PPP1R9A: variants seen among roughly 807,000 people sequenced by gnomAD.
The protein encoded by PPP1R9A is neurabin-1.
PPP1R9A carries 59 observed loss-of-function variants against 141.9 expected under a neutral mutation model. The ratio of observed to expected loss-of-function variants is 0.42; its 90% CI spans 0.34 to 0.52. PPP1R9A has a LOEUF of 0.52. Among genes scored for constraint, PPP1R9A ranks in the 20% least tolerant of loss-of-function variants. The pLI is 0.10. For synonymous variants in PPP1R9A, 500 were observed against 569.7 expected, an observed-to-expected ratio of 0.88 and a Z score of 1.74; for missense variants, 1,444 against 1,611.9, an observed-to-expected ratio of 0.90 and a Z score of 1.78.
rs531732553 is a variant in PPP1R9A, at chr7:95,276,427, C to T, written c.3296+2259C>T. ...TGGCCATCAGCACACTGCTTCACCA[C>T]AGTCGATGCCTGCTTTGAACCCACA... On this transcript the variant is annotated intron_variant, in intron 16 of 19. Coordinates refer to ENST00000433360, the MANE Select transcript of PPP1R9A (RefSeq NM_001166160.2). 6.4e-4 allele frequency among the ~76,000 whole-genome samples: 98 copies of T among 152,338 alleles called. 1 individual carries two copies. Among genetic ancestry groups the T allele is most frequent in the Admixed American group, 6.3e-3 (97 of 15,304 alleles).
At chr7:95,270,623 A>G (rs1009499798) in intron 14 of PPP1R9A, among the ~76,000 whole-genome samples, 9 of 152,058 alleles carry the variant, frequency 5.9e-5, no homozygotes, top group Non-Finnish European at 1.2e-4. Context: ...GCATGAAAAT[A>G]TTTTCCTCGT....
At chr7:95,179,274 A>C (rs1364158310) in intron 5 of PPP1R9A, among the ~76,000 whole-genome samples, 1 of 151,008 alleles carries the variant, frequency 6.6e-6, no homozygotes, top group Non-Finnish European at 1.5e-5. Context: ...AACAAAAATT[A>C]CAAGATCATC....
At chr7:95,224,378 A>G (rs1452502240) in intron 7 of PPP1R9A, among the ~76,000 whole-genome samples, 1 of 152,148 alleles carries the variant, frequency 6.6e-6, no homozygotes, top group Non-Finnish European at 1.5e-5. Flanking sequence ...AGATGCCACC[A>G]ATGTCAAGTT....
intron 2 of PPP1R9A, among the ~76,000 whole-genome samples, chr7:95,088,741 G>A (rs1331412447): frequency 6.6e-6 from 1 of 151,960 alleles, no homozygotes; most frequent in East Asian, 1.9e-4. Flanking sequence ...TGCCTGGGGT[G>A]ATGTGAGTAA....
intron 2 of PPP1R9A, among the ~76,000 whole-genome samples, chr7:94,968,447 C>T (rs1016972326): frequency 6.6e-6 from 1 of 150,536 alleles, no homozygotes; most frequent in African/African-American, 2.4e-5. Flanking sequence ...GCTGGGATTA[C>T]AGGCGTGAGC....
intron 11 of PPP1R9A, 42 bp downstream of exon 11, chr7:95,251,900 T>C (rs1335068730): frequency 1.9e-6 from 3 of 1,610,632 alleles, no homozygotes; most frequent in African/African-American, 1.3e-5. Flanking sequence ...AAGATGGTTT[T>C]GCTGTACTTG....
chr7:95,200,481 T>A (rs1463918473), intron 6 of PPP1R9A, among the ~76,000 whole-genome samples: 2 of 151,988 alleles, frequency 1.3e-5, no homozygotes, highest in South Asian at 2.1e-4. Context: ...GGTCTCACTA[T>A]GTTGTCCAGG....
rs61241471 is a variant in PPP1R9A at position 95,196,070 on chromosome 7, CGTGT to C, written c.1755-2260_1755-2257del. The stretch of plus-strand genomic sequence containing the variant: ...GTTTTAAAAATAAAATACACACATA[CGTGT>C]GTGTGTGTGTGTGTGTGTATGTGTA... On this transcript the variant is annotated intron_variant, in intron 5 of 19. Coordinates refer to ENST00000433360, the MANE Select transcript of PPP1R9A (RefSeq NM_001166160.2). Among the ~76,000 whole-genome samples the C allele has an allele frequency of 1.4e-4, 21 of 149,088 alleles. 1 individual carries two copies. The highest frequency in any genetic ancestry group is 1.3e-3 in the South Asian group (6 of 4,694).
chr7:95,172,368 A>C (rs925698878), intron 5 of PPP1R9A, among the ~76,000 whole-genome samples: 21 of 151,708 alleles, frequency 1.4e-4, no homozygotes, highest in African/African-American at 4.8e-4. Context: ...GAAAATCCTA[A>C]AGTATCTACA....
intron 7 of PPP1R9A, among the ~76,000 whole-genome samples, chr7:95,221,395 T>G (rs1563445717): frequency 6.6e-6 from 1 of 152,076 alleles, no homozygotes; most frequent in Non-Finnish European, 1.5e-5. Context: ...ATCCTTTCAT[T>G]GATCCCCACT....
intron 2 of PPP1R9A, among the ~76,000 whole-genome samples, chr7:95,039,868 T>C (rs1447158609): frequency 2.6e-5 from 4 of 152,090 alleles, no homozygotes; most frequent in Non-Finnish European, 5.9e-5. Context: ...CTAACAACTT[T>C]CTAAAATTAA....
intron 2 of PPP1R9A, among the ~76,000 whole-genome samples, chr7:94,959,674 T>C (rs1040219992): frequency 2.0e-5 from 3 of 151,758 alleles, no homozygotes; most frequent in Non-Finnish European, 3.0e-5. Context: ...TTTCTACTTA[T>C]AATCACAAGT....
chr7:94,987,519 T>TAAA lies in PPP1R9A; in HGVS notation c.1395+76013_1395+76014insAAA, dbSNP rs540879648. On this transcript the variant is annotated intron_variant, in intron 2 of 19. Coordinates refer to ENST00000433360, the MANE Select transcript of PPP1R9A (RefSeq NM_001166160.2). The stretch of plus-strand genomic sequence containing the variant: ...CTTCTCATAGTGTATTCTATGTAAA[T>TAAA]AATTCAAAAGGATGAAAGTTCTCTG... 6.6e-4 allele frequency among the ~76,000 whole-genome samples: 100 copies of TAAA among 152,286 alleles called. 4 individuals carry two copies. The highest frequency in any genetic ancestry group is 6.1e-3 in the Admixed American group (93 of 15,276).
At chr7:95,271,176 C>T (rs1185975377) in intron 14 of PPP1R9A, among the ~76,000 whole-genome samples, 1 of 152,154 alleles carries the variant, frequency 6.6e-6, no homozygotes, top group Non-Finnish European at 1.5e-5. Flanking sequence ...GGAGTAGTTA[C>T]ACACAAAAGT....
chr7:95,167,661 C>G (rs185694253), intron 5 of PPP1R9A, among the ~76,000 whole-genome samples: 1 of 152,066 alleles, frequency 6.6e-6, no homozygotes, highest in Non-Finnish European at 1.5e-5. Context: ...GAAGACTCCA[C>G]GAGAAAACTC....
chr7:95,015,026 C>T (rs1409230147), intron 2 of PPP1R9A, among the ~76,000 whole-genome samples: 10 of 151,956 alleles, frequency 6.6e-5, no homozygotes, highest in African/African-American at 1.9e-4. Flanking sequence ...AAAAGATATT[C>T]TAGACTCATT....
intron 2 of PPP1R9A, among the ~76,000 whole-genome samples, chr7:94,989,408 G>A (rs1801229945): frequency 6.6e-6 from 1 of 152,072 alleles, no homozygotes. Flanking sequence ...TTCTATTGGG[G>A]GTAGTCAGTT....
chr7:95,270,544 A>G (rs1161884225), intron 14 of PPP1R9A, among the ~76,000 whole-genome samples: 1 of 152,158 alleles, frequency 6.6e-6, no homozygotes, highest in African/African-American at 2.4e-5. Context: ...ATCTAACGGA[A>G]TATCAAATTA....
intron 5 of PPP1R9A, among the ~76,000 whole-genome samples, chr7:95,185,378 A>ATT (rs147366122): frequency 0.014 from 2,138 of 148,864 alleles, 57 homozygotes; most frequent in African/African-American, 0.049. Context: ...TTTTTATGGG[A>ATT]TTTTTTTTTT....
Sources: allele counts gnomAD v4.1 joint callset (sites outside exome capture counted in the v4.1 genomes callset), GRCh38; gene constraint gnomAD v4.1.1; transcripts MANE v1.5; gene names NCBI Gene and HGNC (gene_info 2026-07-23, HGNC 2026-07-21).